The following COQ7 variants were observed in gnomAD, a reference collection of about 807,000 sequenced individuals.
COQ7 encodes the protein coenzyme Q7, hydroxylase.
A neutral mutation model predicts 25.0 loss-of-function variants in COQ7; 21 were observed. That is an observed-to-expected ratio of 0.84 (90% CI 0.60 to 1.21). The LOEUF is 1.21. COQ7 is among the 50% of genes most tolerant of loss of function. The pLI, the probability that COQ7 is intolerant of heterozygous loss-of-function variation, is 0.00. For synonymous variants in COQ7, 125 were observed against 112.4 expected, an observed-to-expected ratio of 1.11 and a Z score of -0.71; for missense variants, 311 against 296.2, an observed-to-expected ratio of 1.05 and a Z score of -0.37.
chr16:19,070,470 C>T (rs1000039983), intron 1 of COQ7, among the ~76,000 whole-genome samples: 1 of 152,138 alleles, frequency 6.6e-6, no homozygotes, highest in East Asian at 1.9e-4. Context: ...TGGTGGCTCA[C>T]GCCTGTAATC....
chr16:19,081,603 T>C (rs1297996753), downstream of COQ7, among the ~76,000 whole-genome samples: 3 of 152,204 alleles, frequency 2.0e-5, no homozygotes, highest in African/African-American at 7.2e-5. Context: ...TTTTCTGATA[T>C]TCCTTATGGA....
Position 19,077,001 on chromosome 16 carries a change from T to G in COQ7, c.508-305T>G, listed in dbSNP as rs1269316918. The stretch of plus-strand genomic sequence containing the variant: ...AATTTTCCACAGCAAATAAGGGAAC[T>G]GTTTAGTTTTTTAGAGTCTAAATCT... On this transcript the variant is annotated intron_variant, in intron 4 of 5. Transcript: ENST00000321998. Among the ~76,000 whole-genome samples, 3 of 152,258 alleles carry G rather than the reference T, an allele frequency of 2.0e-5. No homozygotes were observed. The East Asian group carries it at 5.8e-4, about 29-fold the overall frequency.
rs758157817 is a variant in COQ7 at position 19,067,734 on chromosome 16, T to G, written c.70T>G (p.Ser24Ala). Residue 24 changes from serine to alanine, a missense_variant, in exon 1 of 6, where the codon TCA (serine) becomes GCA (alanine). By Grantham distance (99) the Ser-to-Ala change is moderately conservative. Transcript: ENST00000321998. ...RLRPGARRSL[S>A]AYGRRTSVRF... is the part of the protein sequence containing the mutation. ...GCGCCCGGGGGCCCGGCGGTCCCTCTCAGGTAAAAGGAGGCGCGCAGTCAC... is the reference window on the plus strand; with the variant it reads ...GCGCCCGGGGGCCCGGCGGTCCCTCGCAGGTAAAAGGAGGCGCGCAGTCAC... 16 of 1,603,340 alleles carry G rather than the reference T, an allele frequency of 1.0e-5. No homozygotes were observed. The highest frequency in any genetic ancestry group is 6.7e-5 in the East Asian group (3 of 44,772).
At chr16:19,069,681 G>A (rs1283002601) in intron 1 of COQ7, among the ~76,000 whole-genome samples, 2 of 152,052 alleles carry the variant, frequency 1.3e-5, no homozygotes, top group African/African-American at 2.4e-5. Context: ...AAAGTGCTGG[G>A]ATTACAGGCG....
chr16:19,076,123 G>A (rs996356857), intron 4 of COQ7, among the ~76,000 whole-genome samples: 12 of 151,926 alleles, frequency 7.9e-5, no homozygotes, highest in African/African-American at 9.7e-5. Context: ...GTCTTGCTCC[G>A]TTGCCCAGGC....
chr16:19,078,452 C>CAT lies in COQ7; in HGVS notation c.*305_*306dup, dbSNP rs943432700. The CAT allele has an allele frequency of 1.8e-4, 31 of 175,428 alleles. No individual in the cohort carries two copies. Among genetic ancestry groups the CAT allele is most frequent in the African/African-American group, 5.9e-4 (25 of 42,192 alleles). The allele number at this position is 175,428 out of a possible 1,614,324, so 10.9% of individuals were successfully genotyped here. On this transcript the variant is annotated 3_prime_UTR_variant, in exon 6 of 6. Transcript: ENST00000321998. ...TATATACATGTTTTTCTTTTACATG[C>CAT]ATATATATATATTTTATTTTATTTT... is the stretch of plus-strand genomic sequence containing the variant.
At chr16:19,070,862 C>G (rs1962519733) in intron 1 of COQ7, among the ~76,000 whole-genome samples, 1 of 152,072 alleles carries the variant, frequency 6.6e-6, no homozygotes, top group African/African-American at 2.4e-5. Context: ...CCTTACACAC[C>G]TAAGAATGCT....
At position 19,075,760 on chromosome 16, in the gene COQ7, C is replaced by A; in HGVS notation, c.407C>A (p.Ala136Asp). ...TALLGKEGAM[A>D]CTVAVEESIA... ...TTGCTCGGGAAGGAAGGTGCCATGG[C>A]CTGCACCGTGGCGGTGGAAGAGAGC... The change falls in exon 4 of 6, where the codon GCC (alanine) becomes GAC (aspartate). Residue 136 changes from alanine (A) to aspartate (D), a missense_variant. Physicochemically the swap from Ala to Asp is moderately radical, Grantham distance 126. Coordinates refer to ENST00000321998, the MANE Select transcript of COQ7 (RefSeq NM_016138.5). 6.2e-7 allele frequency: 1 copy of A among 1,606,810 alleles called. No individual in the cohort carries two copies.
Position 19,078,160 on chromosome 16 carries a change from G to A in COQ7, c.*2G>A. The stretch of plus-strand genomic sequence containing the variant: ...ATATATTTATCAGAAAGATTATAAA[G>A]TGTGTCCAGTTTTGCCTGTCTATAA... On this transcript the variant is annotated 3_prime_UTR_variant, in exon 6 of 6. Transcript: ENST00000321998. 1.9e-6 allele frequency: 3 copies of A among 1,609,398 alleles called. No individual in the cohort carries two copies. Among genetic ancestry groups the A allele is most frequent in the Non-Finnish European group, 2.5e-6 (3 of 1,177,796 alleles).
intron 1 of COQ7, 77 bp downstream of exon 1, chr16:19,067,814 G>T: frequency 6.4e-7 from 1 of 1,556,868 alleles, no homozygotes; most frequent in South Asian, 1.2e-5. Flanking sequence ...TTGGGTCGAA[G>T]AGGTCACGGG....
Position 19,078,288 on chromosome 16 carries a change from G to GC in COQ7, c.*130_*131insC. 1 of 515,492 alleles carries GC rather than the reference G, an allele frequency of 1.9e-6. No homozygotes were observed. 31.9% of individuals were successfully genotyped at this position (515,492 alleles called of 1,614,324 possible). A position where few individuals can be genotyped will look rare whatever the true frequency, so the allele number is the denominator to read the frequency against. ...ATTTTGTTAATAAATTATAAGGTTT[G>GC]TTTTTTTTTTTTTAAACTCTGCAGT... On this transcript the variant is annotated 3_prime_UTR_variant, in exon 6 of 6. Transcript: ENST00000321998.
intron 1 of COQ7, 109 bp downstream of exon 1, chr16:19,067,846 G>A: frequency 2.0e-6 from 3 of 1,515,962 alleles, no homozygotes; most frequent in Non-Finnish European, 2.6e-6. Flanking sequence ...TAACGTCACA[G>A]GCCTGCGACG....
Position 19,078,492 on chromosome 16 carries a change from CAG to C in COQ7, c.*335_*336del, listed in dbSNP as rs1962978159. ...TATTTTATTTTATGTTTTTTGGAGACAGGGCCTCGCTCTTTTGTCCAGGCCGG... is the reference window on the plus strand; with the variant it reads ...TATTTTATTTTATGTTTTTTGGAGACGGCCTCGCTCTTTTGTCCAGGCCGG... On this transcript the variant is annotated 3_prime_UTR_variant, in exon 6 of 6. Transcript: ENST00000321998. The C allele has an allele frequency of 6.5e-6, 1 of 153,158 alleles. No homozygotes were observed. Among genetic ancestry groups the C allele is most frequent in the Non-Finnish European group, 1.4e-5 (1 of 68,992 alleles). The allele number at this position is 153,158 out of a possible 1,614,324, so 9.5% of individuals were successfully genotyped here.
intron 5 of COQ7, 98 bp downstream of exon 5, chr16:19,077,472 G>A: frequency 2.0e-6 from 2 of 985,906 alleles, no homozygotes; most frequent in Non-Finnish European, 3.1e-6. Context: ...ATTTTAAAGT[G>A]ACAGCGAAAG....
In COQ7 at chr16:19,079,491, C is replaced by G. The variant is rs1194020403; in HGVS notation, c.*1333C>G. On this transcript the variant is annotated 3_prime_UTR_variant, in exon 6 of 6. Coordinates refer to ENST00000321998, the MANE Select transcript of COQ7 (RefSeq NM_016138.5). ...AAATTTTTAAGTAATTTATGAAAAACCTAGATCAGTGGATCTCCTCTCTGG... is the reference window on the plus strand; with the variant it reads ...AAATTTTTAAGTAATTTATGAAAAAGCTAGATCAGTGGATCTCCTCTCTGG... The G allele has an allele frequency of 1.3e-5, 2 of 149,242 alleles. No homozygotes were observed. Among genetic ancestry groups the G allele is most frequent in the Non-Finnish European group, 3.0e-5 (2 of 67,588 alleles). The allele number at this position is 149,242 out of a possible 1,614,324, so 9.2% of individuals were successfully genotyped here. A position where few individuals can be genotyped will look rare whatever the true frequency, so the allele number is the denominator to read the frequency against.
intron 1 of COQ7, chr16:19,068,433 C>G (rs1962357755): frequency 1.0e-6 from 1 of 981,568 alleles, no homozygotes; most frequent in South Asian, 4.4e-5. Flanking sequence ...TGGAGGATCC[C>G]CTGAGGTCAG....
At chr16:19,071,113 A>AT (rs1351450158) in intron 1 of COQ7, among the ~76,000 whole-genome samples, 3 of 150,020 alleles carry the variant, frequency 2.0e-5, no homozygotes, top group Admixed American at 6.7e-5. Flanking sequence ...GGGGTTTTTA[A>AT]TTTTTTTTTC....
chr16:19,075,971 G>T, intron 4 of COQ7, 111 bp downstream of exon 4: 1 of 1,411,784 alleles, frequency 7.1e-7, no homozygotes, highest in Non-Finnish European at 9.7e-7. Flanking sequence ...GGGTTTAGAG[G>T]CTCAGGTCAG....
chr16:19,081,697 G>A (rs559973843), downstream of COQ7, among the ~76,000 whole-genome samples: 49 of 152,344 alleles, frequency 3.2e-4, no homozygotes, highest in South Asian at 9.3e-3. Context: ...ATCAGGCCAA[G>A]TATAAGACTA....
Sources: gnomAD v4.1 joint callset for allele counts (sites outside exome capture counted in the v4.1 genomes callset) on GRCh38, gnomAD v4.1.1 for gene constraint, MANE v1.5 for transcripts, NCBI Gene and HGNC (gene_info 2026-07-23, HGNC 2026-07-21) for gene names.